FGF13: variants seen among roughly 807,000 people sequenced by gnomAD.
FGF13 encodes the protein fibroblast growth factor homologous factor 2.
In FGF13, 2 loss-of-function variants were observed where a neutral mutation model predicts 19.5. The observed-to-expected ratio is 0.10, with a 90% CI of 0.04 to 0.32. FGF13 has a LOEUF of 0.32. Among genes scored for constraint, FGF13 ranks in the 10% least tolerant of loss-of-function variants. The probability of loss-of-function intolerance (pLI) is 1.00; values close to 1 mark genes in which losing one functional copy is unlikely to be tolerated. For synonymous variants in FGF13, 72 were observed against 76.9 expected, an observed-to-expected ratio of 0.94 and a Z score of 0.33; for missense variants, 113 against 192.7, an observed-to-expected ratio of 0.59 and a Z score of 2.45.
intron 1 of FGF13, among the ~76,000 whole-genome samples, chrX:138,991,308 C>T (rs2092014768): frequency 1.8e-5 from 2 of 111,898 alleles, no homozygotes; most frequent in African/African-American, 6.5e-5. Context: ...ACCCTTGCAC[C>T]CTTTGAAATA....
chrX:138,769,555 T>C (rs892733576), intron 3 of FGF13, among the ~76,000 whole-genome samples: 1 of 112,065 alleles, frequency 8.9e-6, no homozygotes, highest in Admixed American at 9.5e-5. Flanking sequence ...AATCAGTAAG[T>C]TAAAATGTGG....
At chrX:138,961,040 C>T (rs1259194180) in intron 1 of FGF13, among the ~76,000 whole-genome samples, 3 of 111,345 alleles carry the variant, frequency 2.7e-5, no homozygotes, top group African/African-American at 9.8e-5. Context: ...CTCCGTGCAG[C>T]TCTGTTCCAT....
chrX:138,984,582 AAGAAGAAGG>A (rs1271871915), intron 1 of FGF13, among the ~76,000 whole-genome samples: 108 of 34,847 alleles, frequency 3.1e-3, no homozygotes, highest in Non-Finnish European at 5.4e-3. Flanking sequence ...GAAGAAGAAG[AAGAAGAAGG>A]AGGAGGAGGA....
intron 1 of FGF13, among the ~76,000 whole-genome samples, chrX:139,026,607 A>G (rs886619836): frequency 9.0e-6 from 1 of 111,669 alleles, no homozygotes; most frequent in African/African-American, 3.3e-5. Flanking sequence ...TATGCAAATC[A>G]TGCCGGGACA....
At position 139,141,102 on chromosome X, in the gene FGF13, T is replaced by TACACACACAC. The variant is rs748785543; in HGVS notation, c.-113+62304_-113+62313dup. On this transcript the variant is annotated intron_variant, in intron 1 of 2. Transcript: ENST00000421460. The stretch of plus-strand genomic sequence containing the variant: ...ATAGATAGATAGATAGATAAGAGTG[T>TACACACACAC]ACACACACACACACACACACACACA... Among the ~76,000 whole-genome samples the TACACACACAC allele has an allele frequency of 4.5e-3, 438 of 97,193 alleles. 1 individual carries two copies. Among genetic ancestry groups the TACACACACAC allele is most frequent in the African/African-American group, 0.016 (411 of 26,010 alleles). 84.4% of individuals were successfully genotyped at this position (97,193 alleles called of 115,157 possible).
intron 1 of FGF13, among the ~76,000 whole-genome samples, chrX:139,151,616 C>T (rs145588819): frequency 0.013 from 1,448 of 111,157 alleles, 30 homozygotes; most frequent in African/African-American, 0.045. Flanking sequence ...TTACTTTCGC[C>T]GGAAAAAGAG....
intron 4 of FGF13, among the ~76,000 whole-genome samples, chrX:138,633,654 A>G (rs1240352224): frequency 3.6e-5 from 4 of 111,992 alleles, no homozygotes; most frequent in Admixed American, 9.5e-5. Context: ...ATAAATAAAC[A>G]TAATAGCTTA....
At position 138,964,687 on chromosome X, in the gene FGF13, T is replaced by C. The variant is rs766292877; in HGVS notation, c.-112-100037A>G. ...ATTCTGGCAAGGACTGCAGGAAGTT[T>C]CCACTCATGGTGGAAGGTGAAGGGA... On this transcript the variant is annotated intron_variant, in intron 1 of 2. Transcript: ENST00000421460. Among the ~76,000 whole-genome samples, 19 of 111,826 alleles carry C rather than the reference T, an allele frequency of 1.7e-4. No individual in the cohort carries two copies. In the Admixed American group the frequency reaches 1.8e-3, roughly 11 times the overall value.
At chrX:139,153,617 G>A (rs111595368) in intron 1 of FGF13, among the ~76,000 whole-genome samples, 1 of 111,483 alleles carries the variant, frequency 9.0e-6, no homozygotes, top group African/African-American at 3.3e-5. Context: ...GGAAAAATAA[G>A]AGAGACAAGG....
chrX:138,790,168 C>T (rs1214326063), intron 3 of FGF13, among the ~76,000 whole-genome samples: 1 of 105,561 alleles, frequency 9.5e-6, no homozygotes, highest in Non-Finnish European at 2.0e-5. Context: ...GATCACGATG[C>T]CAGCGTGGTT....
intron 3 of FGF13, among the ~76,000 whole-genome samples, chrX:138,656,189 T>C (rs17001778): frequency 0.012 from 1,300 of 111,690 alleles, 21 homozygotes; most frequent in South Asian, 0.052. Context: ...TGAGAACACA[T>C]GGTGCTTTAA....
intron 1 of FGF13, among the ~76,000 whole-genome samples, chrX:139,194,343 T>C (rs977639045): frequency 7.1e-5 from 8 of 112,163 alleles, no homozygotes; most frequent in Middle Eastern, 9.2e-3. Flanking sequence ...GGTGATATTT[T>C]CTTCTCTACG....
intron 1 of FGF13, among the ~76,000 whole-genome samples, chrX:139,093,187 T>TA (rs1569452426): frequency 8.9e-6 from 1 of 112,157 alleles, no homozygotes; most frequent in East Asian, 2.8e-4. Context: ...GATGTAAAAT[T>TA]AGTCAGTTGG....
chrX:138,974,404 G>A (rs1569433728), intron 1 of FGF13, among the ~76,000 whole-genome samples: 1 of 111,512 alleles, frequency 9.0e-6, no homozygotes, highest in Non-Finnish European at 1.9e-5. Context: ...TCTGGCTGGT[G>A]TGATTTTATT....
intron 3 of FGF13, among the ~76,000 whole-genome samples, chrX:138,668,251 G>A (rs774594646): frequency 8.1e-5 from 9 of 111,320 alleles, no homozygotes; most frequent in Admixed American, 1.9e-4. Flanking sequence ...GAAACTAAAG[G>A]ACAGATGGAT....
chrX:138,680,924 C>T lies in FGF13; in HGVS notation c.402+22060G>A, dbSNP rs2089721546. On this transcript the variant is annotated intron_variant, in intron 3 of 4. Coordinates refer to ENST00000315930, the MANE Select transcript of FGF13 (RefSeq NM_004114.5). ...TGGTGGCTCACCCCTGTAATCCCAG[C>T]AGTTTGGGAGGCTGAAGCAGGCAGA... Among the ~76,000 whole-genome samples, 3 of 110,882 alleles carry T rather than the reference C, an allele frequency of 2.7e-5. No homozygotes were observed. In the Admixed American group the frequency reaches 2.9e-4, roughly 11 times the overall value.
At chrX:139,006,342 T>C (rs2092101166) in intron 1 of FGF13, among the ~76,000 whole-genome samples, 1 of 111,506 alleles carries the variant, frequency 9.0e-6, no homozygotes, top group South Asian at 3.8e-4. Flanking sequence ...AAAATATCCT[T>C]CAAACATGAA....
intron 1 of FGF13, among the ~76,000 whole-genome samples, chrX:139,054,185 C>G: frequency 2.2e-5 from 2 of 92,162 alleles, no homozygotes; most frequent in Admixed American, 2.7e-4. Flanking sequence ...TGCAGTGGCG[C>G]GATCTCGGCT....
intron 3 of FGF13, among the ~76,000 whole-genome samples, chrX:138,823,060 T>C (rs908510811): frequency 1.8e-5 from 2 of 111,630 alleles, no homozygotes; most frequent in African/African-American, 6.5e-5. Flanking sequence ...CGGGGAAGAC[T>C]GAAGGAACAG....
Sources: gnomAD v4.1 joint callset for allele counts (sites outside exome capture counted in the v4.1 genomes callset) on GRCh38, gnomAD v4.1.1 for gene constraint, MANE v1.5 for transcripts, NCBI Gene and HGNC (gene_info 2026-07-23, HGNC 2026-07-21) for gene names.